RBFOX1: variants seen among roughly 807,000 people sequenced by gnomAD.
RBFOX1 encodes RNA binding fox-1 homolog 1.
In RBFOX1, 8 loss-of-function variants were observed where a neutral mutation model predicts 57.7. That is an observed-to-expected ratio of 0.14 (90% CI 0.08 to 0.25). The LOEUF (loss-of-function observed/expected upper bound fraction) is 0.25. Ranked by LOEUF, RBFOX1 falls within the 10% of genes least tolerant of loss-of-function variation. The pLI, the probability that RBFOX1 is intolerant of heterozygous loss-of-function variation, is 1.00. For missense variants in RBFOX1, 611 were observed against 548.5 expected (o/e 1.11, Z -1.14); for synonymous variants, 326 against 222.4 (o/e 1.47, Z -4.15).
In RBFOX1 at chr16:7,041,269, C is replaced by G. The variant is rs556632181; in HGVS notation, c.-15-10788C>G. On this transcript the variant is annotated intron_variant, in intron 3 of 15. Transcript: ENST00000550418. ...AATTTTATTGGAACACAGTGGCACC[C>G]ATTTGTTTACACGTTGTCAGTGGCT... Among the ~76,000 whole-genome samples the G allele has an allele frequency of 1.1e-4, 16 of 151,974 alleles. No homozygotes were observed. In the East Asian group the frequency reaches 3.1e-3, roughly 30 times the overall value.
intron 3 of RBFOX1, among the ~76,000 whole-genome samples, chr16:6,783,609 T>C (rs772930318): frequency 6.6e-6 from 1 of 152,118 alleles, no homozygotes; most frequent in Non-Finnish European, 1.5e-5. Context: ...TTTCAACAAA[T>C]TGTTGTAGTT....
rs2151872264 is a variant in RBFOX1 at position 7,503,164 on chromosome 16, G to A, written c.28-14983G>A. The stretch of plus-strand genomic sequence containing the variant: ...CTGTAACCTAATCCCATTGGGGAGA[G>A]TATTTGATTATCCTTTCGTTAGTGT... On this transcript the variant is annotated intron_variant, in intron 4 of 15. Coordinates refer to ENST00000550418, the MANE Select transcript of RBFOX1 (RefSeq NM_018723.4). 2.0e-5 allele frequency among the ~76,000 whole-genome samples: 3 copies of A among 152,294 alleles called. 1 individual carries two copies. Among genetic ancestry groups the A allele is most frequent in the East Asian group, 3.9e-4 (2 of 5,184 alleles).
chr16:5,351,142 C>T (rs1309687985), intron 1 of RBFOX1, among the ~76,000 whole-genome samples: 1 of 152,164 alleles, frequency 6.6e-6, no homozygotes, highest in Non-Finnish European at 1.5e-5. Context: ...CCTCATTTTG[C>T]CCATGATGGG....
At chr16:7,438,672 A>G (rs2098741558) in intron 4 of RBFOX1, among the ~76,000 whole-genome samples, 1 of 152,128 alleles carries the variant, frequency 6.6e-6, no homozygotes, top group Non-Finnish European at 1.5e-5. Flanking sequence ...AGCCCATTAA[A>G]ACTCCTTTAA....
chr16:6,596,777 A>G (rs894654302), intron 2 of RBFOX1, among the ~76,000 whole-genome samples: 1 of 152,210 alleles, frequency 6.6e-6, no homozygotes, highest in African/African-American at 2.4e-5. Context: ...ACATGCATGC[A>G]CAGCCACACA....
chr16:5,709,702 C>T (rs2051380798), intron 3 of RBFOX1, among the ~76,000 whole-genome samples: 1 of 106,060 alleles, frequency 9.4e-6, no homozygotes, highest in African/African-American at 2.7e-5. Flanking sequence ...CATCTGACAC[C>T]TGGTATTCTA....
chr16:7,589,915 GTGTGTGTGT>G (rs2094349702), intron 7 of RBFOX1, among the ~76,000 whole-genome samples: 3 of 116,076 alleles, frequency 2.6e-5, no homozygotes, highest in African/African-American at 1.2e-4. Context: ...TGTGCTGGGT[GTGTGTGTGT>G]GTGTGTGTGT....
At chr16:7,257,390 C>A (rs1567920992) in intron 4 of RBFOX1, among the ~76,000 whole-genome samples, 1 of 152,160 alleles carries the variant, frequency 6.6e-6, no homozygotes, top group East Asian at 1.9e-4. Flanking sequence ...CCTCTATCTT[C>A]CCTCTTTTAT....
At chr16:7,376,487 G>C (rs1408194793) in intron 4 of RBFOX1, among the ~76,000 whole-genome samples, 2 of 152,186 alleles carry the variant, frequency 1.3e-5, no homozygotes, top group African/African-American at 2.4e-5. Context: ...AGAAAGATTA[G>C]AAGTTGGTGA....
At chr16:6,865,336 C>G (rs1467747729) in intron 3 of RBFOX1, among the ~76,000 whole-genome samples, 1 of 151,898 alleles carries the variant, frequency 6.6e-6, no homozygotes, top group Non-Finnish European at 1.5e-5. Flanking sequence ...ATAATAATTA[C>G]TTGAATAATA....
At chr16:7,149,119 C>T (rs1391792454) in intron 4 of RBFOX1, among the ~76,000 whole-genome samples, 4 of 152,152 alleles carry the variant, frequency 2.6e-5, no homozygotes, top group Non-Finnish European at 5.9e-5. Context: ...CCCAGGTTTC[C>T]AGACATGGAA....
At chr16:6,203,950 G>T (rs7189825) in intron 1 of RBFOX1, among the ~76,000 whole-genome samples, 11,177 of 149,174 alleles carry the variant, frequency 0.075, 1,293 homozygotes, top group African/African-American at 0.25. Context: ...CTCTCAACCT[G>T]TTGGTGGCTC....
intron 3 of RBFOX1, among the ~76,000 whole-genome samples, chr16:5,856,327 CTG>C (rs1567631668): frequency 1.5e-4 from 5 of 34,264 alleles, no homozygotes; most frequent in African/African-American, 4.0e-4. Flanking sequence ...ATAGGGAAAA[CTG>C]TTATATTATA....
intron 4 of RBFOX1, among the ~76,000 whole-genome samples, chr16:7,080,103 A>G (rs1459291723): frequency 6.8e-6 from 1 of 147,644 alleles, no homozygotes; most frequent in African/African-American, 2.5e-5. Context: ...ATATATATAT[A>G]AAACCACAAT....
At chr16:5,864,452 T>G (rs1371378604) in intron 3 of RBFOX1, among the ~76,000 whole-genome samples, 1 of 152,154 alleles carries the variant, frequency 6.6e-6, no homozygotes, top group African/African-American at 2.4e-5. Context: ...GAGTAAACCT[T>G]TTGTCGGTTT....
intron 1 of RBFOX1, among the ~76,000 whole-genome samples, chr16:5,452,700 A>G (rs369382299): frequency 5.3e-5 from 8 of 151,468 alleles, no homozygotes; most frequent in African/African-American, 1.5e-4. Context: ...CTGGAGTGCA[A>G]TGGCGTGGTC....
At chr16:7,142,807 G>C (rs181216650) in intron 4 of RBFOX1, among the ~76,000 whole-genome samples, 1 of 152,196 alleles carries the variant, frequency 6.6e-6, no homozygotes, top group African/African-American at 2.4e-5. Flanking sequence ...GCTTAAACCA[G>C]TATTGAATGA....
At chr16:6,778,179 A>G (rs144731185) in intron 3 of RBFOX1, among the ~76,000 whole-genome samples, 293 of 152,262 alleles carry the variant, frequency 1.9e-3, no homozygotes, top group South Asian at 0.017. Flanking sequence ...AGATCACACA[A>G]TCGATTAAAA....
At chr16:6,920,544 G>C (rs529060112) in intron 3 of RBFOX1, among the ~76,000 whole-genome samples, 11 of 152,316 alleles carry the variant, frequency 7.2e-5, no homozygotes, top group African/African-American at 2.6e-4. Context: ...CCAGCTAGTG[G>C]CAGGCTTGAA....
Sources: gnomAD v4.1 joint callset for allele counts (sites outside exome capture counted in the v4.1 genomes callset) on GRCh38, gnomAD v4.1.1 for gene constraint, MANE v1.5 for transcripts, NCBI Gene and HGNC (gene_info 2026-07-23, HGNC 2026-07-21) for gene names.